The following PUS7 variants were observed in gnomAD, a reference collection of about 807,000 sequenced individuals.
The protein encoded by PUS7 is pseudouridylate synthase 7 homolog.
PUS7 carries 48 observed loss-of-function variants against 79.8 expected under a neutral mutation model. The observed-to-expected ratio is 0.60, with a 90% CI of 0.48 to 0.76. The LOEUF is 0.76. Ranked by LOEUF, PUS7 falls within the 30% of genes least tolerant of loss-of-function variation. The probability of loss-of-function intolerance (pLI) is 0.00; values close to 1 mark genes in which losing one functional copy is unlikely to be tolerated. For missense variants in PUS7, 729 were observed against 797.6 expected (o/e 0.91, Z 1.04); for synonymous variants, 286 against 272.2 (o/e 1.05, Z -0.50).
At chr7:105,498,475 G>T (rs548513136) in intron 5 of PUS7, among the ~76,000 whole-genome samples, 1 of 152,194 alleles carries the variant, frequency 6.6e-6, no homozygotes, top group Non-Finnish European at 1.5e-5. Flanking sequence ...GCTTCTGAGG[G>T]CCTAACAAGG....
intron 1 of PUS7, among the ~76,000 whole-genome samples, chr7:105,510,281 C>T (rs1275728105): frequency 6.6e-6 from 1 of 150,616 alleles, no homozygotes; most frequent in Non-Finnish European, 1.5e-5. Flanking sequence ...GCCTGGGCAA[C>T]AAGAGCAAAA....
intron 13 of PUS7, 75 bp downstream of exon 13, chr7:105,465,238 G>C: frequency 9.0e-7 from 1 of 1,112,208 alleles, no homozygotes; most frequent in East Asian, 2.5e-5. Flanking sequence ...AATAACCAAA[G>C]TTTATATATG....
In PUS7 at chr7:105,502,508, CAG is replaced by C. The variant is rs769379928; in HGVS notation, c.640_641del (p.Leu214ValfsTer11). The stretch of plus-strand genomic sequence containing the variant: ...CTGTTTTTGTCTCTAATCCTGGAAA[CAG>C]AGATTTGATAGCCTGATGGATGATG... ...RTIIHQAIKS[L>X]FPGLETKTED... On this transcript the variant is annotated frameshift_variant, in exon 5 of 16. Coordinates refer to ENST00000469408, the MANE Select transcript of PUS7 (RefSeq NM_019042.5). LOFTEE classifies it high-confidence loss of function. 6 of 1,613,856 alleles carry C rather than the reference CAG, an allele frequency of 3.7e-6. No homozygotes were observed. The highest frequency in any genetic ancestry group is 5.1e-6 in the Non-Finnish European group (6 of 1,179,948).
intron 12 of PUS7, among the ~76,000 whole-genome samples, chr7:105,466,281 AGGGTCTTGCTCTG>A (rs1337626029): frequency 6.6e-6 from 1 of 152,068 alleles, no homozygotes; most frequent in Non-Finnish European, 1.5e-5. Flanking sequence ...TTTTTGAGAC[AGGGTCTTGCTCTG>A]CCACTAAGGC....
chr7:105,504,451 T>C (rs563450830), intron 4 of PUS7, among the ~76,000 whole-genome samples: 3 of 152,294 alleles, frequency 2.0e-5, no homozygotes, highest in East Asian at 1.9e-4. Flanking sequence ...GACTTCTTCA[T>C]AGCAAAAAGT....
chr7:105,481,303 T>G, intron 8 of PUS7, 126 bp from the exon 9 acceptor site: 1 of 590,132 alleles, frequency 1.7e-6, no homozygotes, highest in Non-Finnish European at 2.7e-6. Flanking sequence ...TCTCTCTACC[T>G]CCCAAGGGCT....
At chr7:105,464,234 T>C in intron 13 of PUS7, among the ~76,000 whole-genome samples, 1 of 72,998 alleles carries the variant, frequency 1.4e-5, no homozygotes. Context: ...TGATTTTGGG[T>C]GTCAACTTGA....
chr7:105,483,489 G>A (rs530037827), intron 7 of PUS7, among the ~76,000 whole-genome samples: 76 of 152,010 alleles, frequency 5.0e-4, no homozygotes, highest in Non-Finnish European at 8.7e-4. Flanking sequence ...TAGTAGAGAC[G>A]GGTTTCACCA....
At chr7:105,490,153 T>C (rs1013994928) in intron 7 of PUS7, among the ~76,000 whole-genome samples, 1 of 150,578 alleles carries the variant, frequency 6.6e-6, no homozygotes, top group Non-Finnish European at 1.5e-5. Context: ...AATAAATACA[T>C]GTATTTAAGT....
At chr7:105,484,343 A>G (rs548257492) in intron 7 of PUS7, among the ~76,000 whole-genome samples, 1 of 152,170 alleles carries the variant, frequency 6.6e-6, no homozygotes, top group South Asian at 2.1e-4. Flanking sequence ...GGCCAGGCAC[A>G]GTGGTTTACG....
chr7:105,458,019 G>GTGC, intron 15 of PUS7, 93 bp from the exon 16 acceptor site: 1 of 1,427,492 alleles, frequency 7.0e-7, no homozygotes, highest in South Asian at 1.4e-5. Context: ...ACAAAGAACT[G>GTGC]TGCTGCTTTC....
chr7:105,505,295 G>C lies in PUS7; in HGVS notation c.585+660C>G, dbSNP rs142211979. ...TGGGATTACAGGTGTGAGCCACCGT[G>C]CCCGGCGAACAAAAGCTTTAACAAC... On this transcript the variant is annotated intron_variant, in intron 4 of 15. Transcript: ENST00000469408. Among the ~76,000 whole-genome samples the C allele has an allele frequency of 2.8e-3, 421 of 152,294 alleles. 3 individuals carry two copies. The highest frequency in any genetic ancestry group is 9.7e-3 in the African/African-American group (404 of 41,570).
chr7:105,461,693 T>C (rs1823433788), intron 14 of PUS7, among the ~76,000 whole-genome samples: 1 of 152,098 alleles, frequency 6.6e-6, no homozygotes, highest in Non-Finnish European at 1.5e-5. Context: ...CTAACCCTTG[T>C]CAGGCATTTC....
chr7:105,467,062 T>TA (rs1354075796), intron 12 of PUS7, among the ~76,000 whole-genome samples: 1 of 98,682 alleles, frequency 1.0e-5, no homozygotes, highest in Non-Finnish European at 2.1e-5. Flanking sequence ...TTTTTTTTTT[T>TA]AACTAGCTGT....
intron 13 of PUS7, 66 bp from the exon 14 acceptor site, chr7:105,462,816 A>T: frequency 6.9e-7 from 1 of 1,449,620 alleles, no homozygotes; most frequent in Non-Finnish European, 9.4e-7. Flanking sequence ...GAACTAGATT[A>T]TAAAGAGAGT....
Position 105,502,475 on chromosome 7 carries a change from C to G in PUS7, c.675G>C (p.Arg225Ser). 1 of 1,614,150 alleles carries G rather than the reference C, an allele frequency of 6.2e-7. No homozygotes were observed. The highest frequency in any genetic ancestry group is 8.5e-7 in the Non-Finnish European group (1 of 1,180,016). Residue 225 changes from arginine to serine, a missense_variant, in exon 5 of 16, where the codon AGG (arginine) becomes AGC (serine). Arg to Ser is a moderately radical substitution (Grantham distance 110, BLOSUM62 -1). Coordinates refer to ENST00000469408, the MANE Select transcript of PUS7 (RefSeq NM_019042.5). ...AGGCTACAATGTATTTCTTCCCCTC[C>G]CTATCCTCTGTTTTTGTCTCTAATC... The part of the protein sequence containing the change: ...FPGLETKTED[R>S]EGKKYIVAYH...
At chr7:105,504,218 C>T (rs1330165702) in intron 4 of PUS7, among the ~76,000 whole-genome samples, 5 of 137,024 alleles carry the variant, frequency 3.6e-5, no homozygotes, top group Non-Finnish European at 6.5e-5. Flanking sequence ...TACAGGTGCC[C>T]GCCACCACGC....
In PUS7 at chr7:105,473,642, T is replaced by C. The variant is rs1823966053; in HGVS notation, c.1176-1449A>G. Among the ~76,000 whole-genome samples, 4 of 151,820 alleles carry C rather than the reference T, an allele frequency of 2.6e-5. No individual in the cohort carries two copies. In the South Asian group the frequency reaches 8.3e-4, roughly 32 times the overall value. Reference sequence around the variant, plus strand: ...CCATGTTGGCCAGACTGGTCTTGAATTCTTGGCCTCACGTGATCCGCCTGC... The same window carrying C: ...CCATGTTGGCCAGACTGGTCTTGAACTCTTGGCCTCACGTGATCCGCCTGC... On this transcript the variant is annotated intron_variant, in intron 9 of 15. Coordinates refer to ENST00000469408, the MANE Select transcript of PUS7 (RefSeq NM_019042.5).
intron 1 of PUS7, among the ~76,000 whole-genome samples, chr7:105,509,097 T>C (rs1263083361): frequency 3.6e-5 from 5 of 138,736 alleles, no homozygotes; most frequent in Non-Finnish European, 7.5e-5. Flanking sequence ...GGCAGGAGAA[T>C]CGCTTGAACC....
Sources: gnomAD v4.1 joint callset for allele counts (sites outside exome capture counted in the v4.1 genomes callset) on GRCh38, gnomAD v4.1.1 for gene constraint, MANE v1.5 for transcripts, NCBI Gene and HGNC (gene_info 2026-07-23, HGNC 2026-07-21) for gene names.